NSG1: variants seen among roughly 807,000 people sequenced by gnomAD.
NSG1 encodes neuronal vesicle trafficking-associated protein 1.
In NSG1, 9 loss-of-function variants were observed where a neutral mutation model predicts 19.3. The observed-to-expected ratio is 0.47, with a 90% CI of 0.28 to 0.81. The LOEUF is 0.81. Ranked by LOEUF, NSG1 falls within the 40% of genes least tolerant of loss-of-function variation. The pLI, the probability that NSG1 is intolerant of heterozygous loss-of-function variation, is 0.11. For synonymous variants in NSG1, 104 were observed against 107.0 expected, an observed-to-expected ratio of 0.97 and a Z score of 0.17; for missense variants, 236 against 242.4, an observed-to-expected ratio of 0.97 and a Z score of 0.18.
At chr4:4,399,586 C>G (rs1250543210) in intron 3 of NSG1, among the ~76,000 whole-genome samples, 1 of 152,116 alleles carries the variant, frequency 6.6e-6, no homozygotes, top group Non-Finnish European at 1.5e-5. Flanking sequence ...TCTTTTTTCA[C>G]TTTCTTGCTA....
intron 3 of NSG1, among the ~76,000 whole-genome samples, chr4:4,391,827 G>A (rs1291029344): frequency 6.6e-6 from 1 of 152,062 alleles, no homozygotes; most frequent in African/African-American, 2.4e-5. Context: ...TTTTATAACA[G>A]GGGAAACCCA....
chr4:4,392,171 C>A (rs1490147743), intron 3 of NSG1, among the ~76,000 whole-genome samples: 1 of 150,586 alleles, frequency 6.6e-6, no homozygotes, highest in Non-Finnish European at 1.5e-5. Flanking sequence ...TCCCCCCATC[C>A]CAATGGGATG....
At chr4:4,415,944 TC>T (rs1269748591) in intron 4 of NSG1, 1 of 617,120 alleles carries the variant, frequency 1.6e-6, no homozygotes, top group Non-Finnish European at 2.9e-6. Flanking sequence ...GGCTGTTTGT[TC>T]TGTAGCGTGT....
intron 3 of NSG1, among the ~76,000 whole-genome samples, chr4:4,394,724 A>G (rs141719388): frequency 1.3e-5 from 2 of 152,326 alleles, no homozygotes; most frequent in African/African-American, 4.8e-5. Flanking sequence ...TCTTGCACAC[A>G]CAGTAACAGC....
chr4:4,396,317 C>T (rs1365609101), intron 3 of NSG1, among the ~76,000 whole-genome samples: 2 of 152,132 alleles, frequency 1.3e-5, no homozygotes, highest in Admixed American at 6.5e-5. Context: ...TCCCTCAGGG[C>T]CCGCTCCAGC....
At chr4:4,411,007 G>A (rs535473827) in intron 4 of NSG1, among the ~76,000 whole-genome samples, 7 of 152,082 alleles carry the variant, frequency 4.6e-5, no homozygotes, top group African/African-American at 1.4e-4. Flanking sequence ...ATAGGTGTGC[G>A]CCACCACCCG....
chr4:4,396,218 GT>G (rs1420715802), intron 3 of NSG1, among the ~76,000 whole-genome samples: 1 of 152,168 alleles, frequency 6.6e-6, no homozygotes, highest in Non-Finnish European at 1.5e-5. Flanking sequence ...AGAGTGGCGG[GT>G]CGGGGCTGCT....
At chr4:4,393,745 T>G (rs1577281131) in intron 3 of NSG1, among the ~76,000 whole-genome samples, 1 of 152,182 alleles carries the variant, frequency 6.6e-6, no homozygotes, top group South Asian at 2.1e-4. Flanking sequence ...GTGGCTGGGG[T>G]GCTCCCTCTG....
chr4:4,415,853 G>A, intron 4 of NSG1: 1 of 498,846 alleles, frequency 2.0e-6, no homozygotes, highest in East Asian at 3.7e-5. Flanking sequence ...ACAGCGTGAA[G>A]GGGCGTGGCG....
At chr4:4,411,061 G>T (rs1724152400) in intron 4 of NSG1, among the ~76,000 whole-genome samples, 1 of 152,050 alleles carries the variant, frequency 6.6e-6, no homozygotes, top group Admixed American at 6.6e-5. Context: ...TCACCATGTT[G>T]GCTAGGCCGG....
chr4:4,400,861 A>C (rs2108737916), intron 3 of NSG1, among the ~76,000 whole-genome samples: 1 of 152,346 alleles, frequency 6.6e-6, no homozygotes, highest in South Asian at 2.1e-4. Flanking sequence ...ATCTATCACA[A>C]ATTTATATTT....
At chr4:4,409,540 G>C in intron 3 of NSG1, 33 bp from the exon 4 acceptor site, 1 of 1,550,308 alleles carries the variant, frequency 6.5e-7, no homozygotes. Flanking sequence ...GCTGCCTTCC[G>C]GCCACCCCTG....
chr4:4,400,078 T>C lies in NSG1; in HGVS notation c.246+8487T>C, dbSNP rs540913009. Among the ~76,000 whole-genome samples the C allele has an allele frequency of 2.1e-3, 314 of 152,346 alleles. 1 individual carries two copies. Among genetic ancestry groups the C allele is most frequent in the African/African-American group, 7.4e-3 (308 of 41,594 alleles). ...AAATCACATGAAGATTTTTCCCTTG[T>C]GTTTTCTTCTAAGAGTTTTATGGCT... On this transcript the variant is annotated intron_variant, in intron 3 of 4. Transcript: ENST00000621129.
At chr4:4,389,455 C>T (rs902869662) in intron 2 of NSG1, among the ~76,000 whole-genome samples, 1 of 152,170 alleles carries the variant, frequency 6.6e-6, no homozygotes, top group Admixed American at 6.5e-5. Context: ...GATCATTTTC[C>T]AGAAGGCTTC....
intron 3 of NSG1, among the ~76,000 whole-genome samples, chr4:4,400,341 C>T (rs1475159442): frequency 6.6e-6 from 1 of 152,122 alleles, no homozygotes; most frequent in Non-Finnish European, 1.5e-5. Flanking sequence ...ATGCTAATAC[C>T]ACTCCGTTTT....
intron 3 of NSG1, among the ~76,000 whole-genome samples, chr4:4,400,750 A>G (rs902045719): frequency 4.6e-5 from 7 of 152,200 alleles, no homozygotes; most frequent in Non-Finnish European, 1.0e-4. Flanking sequence ...TTTATATCAC[A>G]TTGCAGCTGT....
chr4:4,395,557 G>A (rs1291001604), intron 3 of NSG1, among the ~76,000 whole-genome samples: 1 of 152,118 alleles, frequency 6.6e-6, no homozygotes, highest in Non-Finnish European at 1.5e-5. Context: ...TTTCTGAAAC[G>A]GGAGCATATG....
chr4:4,410,065 T>G (rs572312668), intron 4 of NSG1, among the ~76,000 whole-genome samples: 2 of 151,692 alleles, frequency 1.3e-5, no homozygotes, highest in African/African-American at 4.8e-5. Context: ...GTCCGCCACA[T>G]GAAAGAGGAG....
Position 4,387,640 on chromosome 4 carries a change from T to G in NSG1, c.11T>G (p.Leu4Trp), listed in dbSNP as rs758630361. 3.7e-6 allele frequency: 6 copies of G among 1,609,834 alleles called. No homozygotes were observed. Among genetic ancestry groups the G allele is most frequent in the South Asian group, 1.1e-5 (1 of 91,036 alleles). The change falls in exon 2 of 5, where the codon TTG (leucine) becomes TGG (tryptophan). Residue 4 changes from leucine (L) to tryptophan (W), a missense_variant. Transcript: ENST00000621129. ...GGAGCTCCCGGAACGATGGTGAAGT[T>G]GGGGAACAATTTCGCAGAGAAGGGC... MVK[L>W]GNNFAEKGTK...
Sources: gnomAD v4.1 joint callset for allele counts (sites outside exome capture counted in the v4.1 genomes callset) on GRCh38, gnomAD v4.1.1 for gene constraint, MANE v1.5 for transcripts, NCBI Gene and HGNC (gene_info 2026-07-23, HGNC 2026-07-21) for gene names.